The following CNTLN variants were observed in gnomAD, a reference collection of about 807,000 sequenced individuals.
CNTLN encodes the protein centlein, centrosomal protein.
CNTLN carries 212 observed loss-of-function variants against 180.0 expected under a neutral mutation model. That is an observed-to-expected ratio of 1.18 (90% CI 1.05 to 1.32). The LOEUF (loss-of-function observed/expected upper bound fraction) is 1.32, where lower values mean the gene tolerates loss of function less well. CNTLN is among the 40% of genes most tolerant of loss of function. The pLI, the probability that CNTLN is intolerant of heterozygous loss-of-function variation, is 0.00. For missense variants in CNTLN, 2,095 were observed against 1,610.9 expected (o/e 1.30, Z -5.14); for synonymous variants, 722 against 563.1 (o/e 1.28, Z -3.99).
At chr9:17,509,433 C>T in the CNTLN span, among the ~76,000 whole-genome samples, 3 of 152,204 alleles carry the variant, frequency 2.0e-5, no homozygotes, top group Non-Finnish European at 4.4e-5. Flanking sequence ...GCCTTATCCA[C>T]CACCATGGCA....
At chr9:17,317,613 AGATGGAGCAT>A (rs1175532163) in intron 8 of CNTLN, among the ~76,000 whole-genome samples, 2 of 152,172 alleles carry the variant, frequency 1.3e-5, no homozygotes, top group Non-Finnish European at 2.9e-5. Context: ...ATACAGCATG[AGATGGAGCAT>A]GATGGAGAGT....
intron 2 of CNTLN, among the ~76,000 whole-genome samples, chr9:17,217,235 G>A (rs1369246647): frequency 6.6e-6 from 1 of 152,204 alleles, no homozygotes; most frequent in Non-Finnish European, 1.5e-5. Flanking sequence ...AGGTGGTACA[G>A]AAACATAGCT....
At chr9:17,441,757 C>G (rs1423682911) in intron 18 of CNTLN, among the ~76,000 whole-genome samples, 1 of 151,720 alleles carries the variant, frequency 6.6e-6, no homozygotes, top group Admixed American at 6.6e-5. Context: ...TGGAGAGTTG[C>G]CGAATGGATT....
At chr9:17,235,341 T>C (rs1825073392) in intron 3 of CNTLN, among the ~76,000 whole-genome samples, 1 of 152,174 alleles carries the variant, frequency 6.6e-6, no homozygotes, top group Admixed American at 6.5e-5. Context: ...TAAATATATT[T>C]TCTTTAATTA....
chr9:17,474,827 C>A (rs1832244626), intron 23 of CNTLN, among the ~76,000 whole-genome samples: 1 of 150,860 alleles, frequency 6.6e-6, no homozygotes, highest in South Asian at 2.1e-4. Flanking sequence ...AAGATCGCGC[C>A]ACTGCACTCT....
At chr9:17,522,581 A>G in the CNTLN span, among the ~76,000 whole-genome samples, 1 of 152,136 alleles carries the variant, frequency 6.6e-6, no homozygotes, top group Admixed American at 6.6e-5. Context: ...TTTTGAAACT[A>G]CAGTACAGCC....
intron 14 of CNTLN, among the ~76,000 whole-genome samples, chr9:17,392,720 G>A (rs561330628): frequency 6.6e-6 from 1 of 152,006 alleles, no homozygotes; most frequent in African/African-American, 2.4e-5. Context: ...TTCATACTGT[G>A]TTGAGAAATA....
At chr9:17,162,523 G>C (rs1056201801) in intron 2 of CNTLN, among the ~76,000 whole-genome samples, 2 of 152,222 alleles carry the variant, frequency 1.3e-5, no homozygotes, top group African/African-American at 4.8e-5. Context: ...CTTCACTAGA[G>C]ATACACTAAG....
rs1358116818 is a variant in CNTLN at position 17,503,904 on chromosome 9, TAA to T, written c.*1254_*1255del. The T allele has an allele frequency of 6.6e-6, 1 of 151,750 alleles. No individual in the cohort carries two copies. Among genetic ancestry groups the T allele is most frequent in the Non-Finnish European group, 1.5e-5 (1 of 68,040 alleles). The allele number at this position is 151,750 out of a possible 1,614,324, so 9.4% of individuals were successfully genotyped here. On this transcript the variant is annotated 3_prime_UTR_variant, in exon 26 of 26. Transcript: ENST00000380647. ...AAATTCAAATTTTGGTGTCTGTTAATAAAGTTTTATTGGAACACAGTGGTGCT... is the reference window on the plus strand; with the variant it reads ...AAATTCAAATTTTGGTGTCTGTTAATAGTTTTATTGGAACACAGTGGTGCT...
At chr9:17,394,496 GT>G in intron 14 of CNTLN, 37 bp from the exon 15 acceptor site, 3 of 1,340,504 alleles carry the variant, frequency 2.2e-6, no homozygotes, top group East Asian at 2.3e-5. Flanking sequence ...GTAGATTATG[GT>G]TTTTGGATTC....
intron 10 of CNTLN, among the ~76,000 whole-genome samples, chr9:17,336,595 A>C (rs1373537800): frequency 6.6e-6 from 1 of 152,174 alleles, no homozygotes; most frequent in Non-Finnish European, 1.5e-5. Flanking sequence ...GTTGAATTTT[A>C]TTTTTAATAG....
At chr9:17,213,072 C>G (rs544902660) in intron 2 of CNTLN, among the ~76,000 whole-genome samples, 13 of 152,102 alleles carry the variant, frequency 8.5e-5, no homozygotes, top group African/African-American at 2.4e-4. Context: ...CTGCTCTGAT[C>G]TTACTTATTT....
chr9:17,326,206 C>T (rs551058307), intron 8 of CNTLN, among the ~76,000 whole-genome samples: 3 of 151,998 alleles, frequency 2.0e-5, no homozygotes, highest in East Asian at 3.9e-4. Context: ...AGTCAGTCCA[C>T]GAATCATTTT....
chr9:17,494,549 G>T (rs1158906156), intron 25 of CNTLN, among the ~76,000 whole-genome samples: 1 of 151,738 alleles, frequency 6.6e-6, no homozygotes, highest in Non-Finnish European at 1.5e-5. Context: ...TAGGCCCCAG[G>T]GTCTGCTGTT....
chr9:17,279,280 C>A lies in CNTLN; in HGVS notation c.983+5414C>A, dbSNP rs1828511759. On this transcript the variant is annotated intron_variant, in intron 6 of 25. Transcript: ENST00000380647. ...TTAGGCATAATTCTATATAGTACTTCAGTGTTCATCACTAAACTTTTTTAC... is the reference window on the plus strand; with the variant it reads ...TTAGGCATAATTCTATATAGTACTTAAGTGTTCATCACTAAACTTTTTTAC... Among the ~76,000 whole-genome samples the A allele has an allele frequency of 2.0e-5, 3 of 152,100 alleles. No individual in the cohort carries two copies. The South Asian group carries it at 6.2e-4, about 32-fold the overall frequency.
At position 17,305,521 on chromosome 9, in the gene CNTLN, G is replaced by GTTT. The variant is rs34010980; in HGVS notation, c.1147-3526_1147-3524dup. 9.3e-4 allele frequency among the ~76,000 whole-genome samples: 137 copies of GTTT among 147,692 alleles called. 1 individual carries two copies. The Middle Eastern group carries it at 0.014, about 15-fold the overall frequency. Reference sequence around the variant, plus strand: ...TGCCTAATTTACTCACTTGAGCACTGTTTTTTTTTTTTTAAACTCTACTCT... The same window carrying GTTT: ...TGCCTAATTTACTCACTTGAGCACTGTTTTTTTTTTTTTTTTAAACTCTACTCT... On this transcript the variant is annotated intron_variant, in intron 7 of 25. Coordinates refer to ENST00000380647, the MANE Select transcript of CNTLN (RefSeq NM_017738.4).
rs142933257 is a variant in CNTLN at position 17,343,387 on chromosome 9, A to C, written c.1886+943A>C. Among the ~76,000 whole-genome samples, 10 of 152,312 alleles carry C rather than the reference A, an allele frequency of 6.6e-5. No homozygotes were observed. The East Asian group carries it at 1.5e-3, about 24-fold the overall frequency. On this transcript the variant is annotated intron_variant, in intron 12 of 25. Coordinates refer to ENST00000380647, the MANE Select transcript of CNTLN (RefSeq NM_017738.4). ...TTATGGTGTAATGTAATTAAATGTCACTGAATTTTCTTAGCTGTAAATGAG... is the reference window on the plus strand; with the variant it reads ...TTATGGTGTAATGTAATTAAATGTCCCTGAATTTTCTTAGCTGTAAATGAG...
At chr9:17,509,833 C>G in the CNTLN span, among the ~76,000 whole-genome samples, 1 of 152,026 alleles carries the variant, frequency 6.6e-6, no homozygotes, top group African/African-American at 2.4e-5. Context: ...GTCTTAGTTC[C>G]AAAGAGAGAG....
chr9:17,311,825 A>C (rs1490017512), intron 8 of CNTLN, among the ~76,000 whole-genome samples: 1 of 152,170 alleles, frequency 6.6e-6, no homozygotes, highest in Non-Finnish European at 1.5e-5. Flanking sequence ...AAAGAAAAAA[A>C]AGAAATTGAC....
Sources: allele counts gnomAD v4.1 joint callset (sites outside exome capture counted in the v4.1 genomes callset), GRCh38; gene constraint gnomAD v4.1.1; transcripts MANE v1.5; gene names NCBI Gene and HGNC (gene_info 2026-07-23, HGNC 2026-07-21).